The following MYH2 variants were observed in gnomAD, a reference collection of about 807,000 sequenced individuals.
The protein encoded by MYH2 is myosin heavy chain 2, also known as myosin-2.
A neutral mutation model predicts 228.1 loss-of-function variants in MYH2; 139 were observed. The observed-to-expected ratio is 0.61, with a 90% CI of 0.53 to 0.70. The LOEUF (loss-of-function observed/expected upper bound fraction) is 0.70, where lower values mean the gene tolerates loss of function less well. Ranked by LOEUF, MYH2 falls within the 30% of genes least tolerant of loss-of-function variation. The pLI is 0.00. For synonymous variants in MYH2, 796 were observed against 871.1 expected (o/e 0.91, Z 1.52); for missense variants, 1,809 against 2,357.5 (o/e 0.77, Z 4.82).
rs752746936 is a variant in MYH2 at position 10,529,075 on chromosome 17, C to T, written c.3359G>A (p.Arg1120His). 1.9e-5 allele frequency: 31 copies of T among 1,614,090 alleles called. No homozygotes were observed. The highest frequency in any genetic ancestry group is 3.3e-4 in the Middle Eastern group (2 of 6,084). Residue 1120 changes from arginine to histidine, a missense_variant, in exon 27 of 40, where the codon CGC becomes CAC. Arg to His is a conservative substitution (Grantham distance 29). Coordinates refer to ENST00000245503, the MANE Select transcript of MYH2 (RefSeq NM_017534.6). Reference protein sequence around the residue: ...LQKKIKELQARIEELEEEIEA... With the variant: ...LQKKIKELQAHIEELEEEIEA... Reference sequence around the variant, plus strand: ...GATTTCCTCCTCCAGCTCCTCAATGCGGGCCTGGGAATGGTGGAAAATACA... The same window carrying T: ...GATTTCCTCCTCCAGCTCCTCAATGTGGGCCTGGGAATGGTGGAAAATACA...
chr17:10,532,627 T>A (rs1417851445), intron 21 of MYH2, among the ~76,000 whole-genome samples: 1 of 152,236 alleles, frequency 6.6e-6, no homozygotes, highest in Non-Finnish European at 1.5e-5. Flanking sequence ...TATTTATATA[T>A]CTGCATACAC....
Position 10,545,442 on chromosome 17 carries a change from G to T in MYH2, c.409C>A (p.Pro137Thr). The change falls in exon 5 of 40, where the codon CCC becomes ACC. Residue 137 changes from proline to threonine, a missense_variant. By Grantham distance (38) the Pro-to-Thr change is conservative. Around this residue, in one of 9 missense-constraint regions of MYH2, gnomAD observed 373 missense variants for 620.4 expected, o/e 0.60. Transcript: ENST00000245503. ...NPYKWLPVYK[P>T]EVVTAYRGKK... ...CCTCGGTAGGCTGTCACCACCTCGG[G>T]CTTATACACAGGCAGCCACTTGTAG... 2 of 1,614,188 alleles carry T rather than the reference G, an allele frequency of 1.2e-6. No individual in the cohort carries two copies. Among genetic ancestry groups the T allele is most frequent in the Non-Finnish European group, 1.7e-6 (2 of 1,180,024 alleles).
In MYH2 at chr17:10,523,165, ATTCT is replaced by A. The variant is rs1567726515; in HGVS notation, c.5594_5597del (p.Lys1865IlefsTer9). The A allele has an allele frequency of 1.9e-6, 3 of 1,613,918 alleles. No homozygotes were observed. The highest frequency in any genetic ancestry group is 1.3e-5 in the African/African-American group (1 of 75,038). On this transcript the variant is annotated frameshift_variant, in exon 39 of 40. Coordinates refer to ENST00000245503, the MANE Select transcript of MYH2 (RefSeq NM_017534.6). LOFTEE classifies it high-confidence loss of function. ...CTACCAAATCTTGAAGCCTGAGAAT[ATTCT>A]TTCTATCTTCTTCCGTCTGAAAGAT...
intron 10 of MYH2, among the ~76,000 whole-genome samples, chr17:10,542,399 A>G (rs1873463844): frequency 6.6e-6 from 1 of 152,258 alleles, no homozygotes; most frequent in Admixed American, 6.5e-5. Flanking sequence ...CTATCTGTAA[A>G]GAGGGTATGG....
At chr17:10,546,256 G>GATATAT (rs71139049) in intron 4 of MYH2, among the ~76,000 whole-genome samples, 9,866 of 65,482 alleles carry the variant, frequency 0.15, 1,513 homozygotes, top group East Asian at 0.19. Flanking sequence ...GACACGAAAT[G>GATATAT]ATATATATAT....
chr17:10,522,161 G>A (rs1001385696), intron 39 of MYH2, among the ~76,000 whole-genome samples: 1 of 152,192 alleles, frequency 6.6e-6, no homozygotes, highest in East Asian at 1.9e-4. Context: ...CCATGCTCTT[G>A]AACAGCTACA....
Position 10,531,898 on chromosome 17 carries a change from A to C in MYH2, c.2442-10T>G, listed in dbSNP as rs1188341263. On this transcript the variant is annotated splice_polypyrimidine_tract_variant and intron_variant, in intron 21 of 39. Transcript: ENST00000245503. ...ACAGAAGATGGCCTCCCTGAAATTT[A>C]ATTGATGCAAATTAGTATTGTGTGG... 6.2e-7 allele frequency: 1 copy of C among 1,613,748 alleles called. No homozygotes were observed. The highest frequency in any genetic ancestry group is 8.5e-7 in the Non-Finnish European group (1 of 1,179,846).
chr17:10,524,693 A>G lies in MYH2; in HGVS notation c.4972-24T>C, dbSNP rs1294647596. ...TCCTGTGAAACAAACCATCATTGAG[A>G]CATCATGTTCTCAGGGTTGCAGGCA... On this transcript the variant is annotated intron_variant, in intron 34 of 39. Coordinates refer to ENST00000245503, the MANE Select transcript of MYH2 (RefSeq NM_017534.6). This position sits in a 1 kb window ranked among gnomAD's most constrained non-coding sequence, Gnocchi z 4.7. The G allele has an allele frequency of 1.2e-6, 2 of 1,614,224 alleles. No homozygotes were observed. The highest frequency in any genetic ancestry group is 1.7e-6 in the Non-Finnish European group (2 of 1,180,046).
At chr17:10,543,289 A>C in intron 8 of MYH2, 128 bp from the exon 9 acceptor site, 1 of 708,158 alleles carries the variant, frequency 1.4e-6, no homozygotes, top group Non-Finnish European at 2.3e-6. Context: ...AGGTAGAAAA[A>C]GGTGTATCTC....
At position 10,529,744 on chromosome 17, in the gene MYH2, C is replaced by A. The variant is rs368067957; in HGVS notation, c.2941-4G>T. 1 of 1,613,898 alleles carries A rather than the reference C, an allele frequency of 6.2e-7. No homozygotes were observed. Among genetic ancestry groups the A allele is most frequent in the Non-Finnish European group, 8.5e-7 (1 of 1,180,038 alleles). ...TCTCTTCTGTGAGGTTTTTCACCTA[C>A]AAAGGTGAAGAAAGCAGTTTAGTTG... On this transcript the variant is annotated splice_region_variant and splice_polypyrimidine_tract_variant and intron_variant, in intron 23 of 39. Transcript: ENST00000245503.
intron 19 of MYH2, 80 bp from the exon 20 acceptor site, chr17:10,533,712 T>G (rs71360270): frequency 3.3e-6 from 5 of 1,526,258 alleles, no homozygotes; most frequent in Non-Finnish European, 4.5e-6. Flanking sequence ...ATTCATTTTT[T>G]AAAGCAGAGC....
rs769463886 is a variant in MYH2 at position 10,529,217 on chromosome 17, A to G, written c.3299T>C (p.Ile1100Thr). ...AATGCCAAGTGCCTGTTCATCTTCAATCTTGCTTTGCAGATTGCTGATTTC... is the reference window on the plus strand; with the variant it reads ...AATGCCAAGTGCCTGTTCATCTTCAGTCTTGCTTTGCAGATTGCTGATTTC... Reference protein sequence around the residue: ...EFEISNLQSKIEDEQALGIQL... With the variant: ...EFEISNLQSKTEDEQALGIQL... The change falls in exon 26 of 40, where the codon ATT becomes ACT. Residue 1100 changes from isoleucine to threonine, a missense_variant. By Grantham distance (89) the Ile-to-Thr change is moderately conservative. Coordinates refer to ENST00000245503, the MANE Select transcript of MYH2 (RefSeq NM_017534.6). The G allele has an allele frequency of 1.6e-5, 26 of 1,614,124 alleles. No individual in the cohort carries two copies. Among genetic ancestry groups the G allele is most frequent in the Non-Finnish European group, 1.9e-5 (23 of 1,180,048 alleles).
At chr17:10,540,311 G>A (rs181555809) in intron 11 of MYH2, among the ~76,000 whole-genome samples, 2 of 150,356 alleles carry the variant, frequency 1.3e-5, no homozygotes, top group African/African-American at 4.9e-5. Context: ...GTAAATCTAA[G>A]GAACTTGTTA....
rs149923025 is a variant in MYH2, at chr17:10,543,688, A to G, written c.741+23T>C. 8.1e-4 allele frequency: 1,314 copies of G among 1,613,690 alleles called. 9 individuals are homozygous for G. In the African/African-American group the frequency reaches 0.014, roughly 18 times the overall value. On this transcript the variant is annotated intron_variant, in intron 8 of 39. Transcript: ENST00000245503. ...AAATTTTGACCAGTGAACAGCATCT[A>G]TTAGCGTGTCCAAGAGACTTACAAA...
chr17:10,547,088 C>T (rs373094595), intron 4 of MYH2, among the ~76,000 whole-genome samples: 124 of 152,112 alleles, frequency 8.2e-4, no homozygotes, highest in African/African-American at 2.8e-3. Context: ...AAGACTCTGT[C>T]TCAAAAAAAA....
Position 10,549,401 on chromosome 17 carries a change from C to T in MYH2, c.-47G>A, listed in dbSNP as rs2073673191. 6.5e-6 allele frequency: 1 copy of T among 152,710 alleles called. No individual in the cohort carries two copies. The highest frequency in any genetic ancestry group is 2.1e-4 in the South Asian group (1 of 4,818). 9.5% of individuals were successfully genotyped at this position (152,710 alleles called of 1,614,324 possible). A position where few individuals can be genotyped will look rare whatever the true frequency, so the allele number is the denominator to read the frequency against. ...TTGTTAGCAAGTGAGAAGATGTAGCCTGGGAGTGAGACAGTTCTATAAAAG... is the reference window on the plus strand; with the variant it reads ...TTGTTAGCAAGTGAGAAGATGTAGCTTGGGAGTGAGACAGTTCTATAAAAG... On this transcript the variant is annotated 5_prime_UTR_variant, in exon 2 of 40. Transcript: ENST00000245503.
Position 10,537,444 on chromosome 17 carries a change from C to T in MYH2, c.1686G>A (p.Lys562=). The T allele has an allele frequency of 1.9e-6, 3 of 1,614,246 alleles. No homozygotes were observed. Among genetic ancestry groups the T allele is most frequent in the Non-Finnish European group, 2.5e-6 (3 of 1,180,048 alleles). Residue 562 remains lysine, a synonymous_variant, in exon 16 of 40, where the codon AAG becomes AAA. Coordinates refer to ENST00000245503, the MANE Select transcript of MYH2 (RefSeq NM_017534.6). This position sits in a 1 kb window ranked among gnomAD's most constrained non-coding sequence, Gnocchi z 4.0. Reference sequence around the variant, plus strand: ...CCTTGGGCTTCTGGAAGTTGGCAGACTTGCCCAGGTGCTGGTCATACAGCT... The same window carrying T: ...CCTTGGGCTTCTGGAAGTTGGCAGATTTGCCCAGGTGCTGGTCATACAGCT... The part of the protein sequence containing the change: ...KNKLYDQHLG[K]SANFQKPKVV...
At chr17:10,543,585 C>T in intron 8 of MYH2, 126 bp downstream of exon 8, 2 of 1,401,692 alleles carry the variant, frequency 1.4e-6, no homozygotes, top group Non-Finnish European at 2.0e-6. Flanking sequence ...ATTACATGCT[C>T]AGAGGAAAAG....
At position 10,540,213 on chromosome 17, in the gene MYH2, C is replaced by T. The variant is rs571964101; in HGVS notation, c.1009-147G>A. On this transcript the variant is annotated intron_variant, in intron 11 of 39. Coordinates refer to ENST00000245503, the MANE Select transcript of MYH2 (RefSeq NM_017534.6). ...TAGATTGGGTATATAGAGAGTTGGT[C>T]AACCAAAGGCCAGCACAGAGCATTA... The T allele has an allele frequency of 8.6e-5, 93 of 1,081,474 alleles. No homozygotes were observed. In the East Asian group the frequency reaches 2.2e-3, roughly 26 times the overall value. 67.0% of individuals were successfully genotyped at this position (1,081,474 alleles called of 1,614,324 possible).
Sources: gnomAD v4.1 joint callset for allele counts (sites outside exome capture counted in the v4.1 genomes callset) on GRCh38, gnomAD v4.1.1 for gene constraint, gnomAD v4.1.1 regional missense constraint, Gnocchi (gnomAD v3.1) non-coding constraint, MANE v1.5 for transcripts, NCBI Gene and HGNC (gene_info 2026-07-23, HGNC 2026-07-21) for gene names.